The following SGCZ variants were observed in gnomAD, a reference collection of about 807,000 sequenced individuals.
SGCZ encodes sarcoglycan zeta.
Under a neutral mutation model 41.3 loss-of-function variants are expected in SGCZ, and 40 were observed. The ratio of observed to expected loss-of-function variants is 0.97; its 90% confidence interval spans 0.75 to 1.26. The LOEUF is 1.26. Ranked by LOEUF, SGCZ falls within the 50% of genes most tolerant of loss-of-function variation. The probability of loss-of-function intolerance (pLI) is 0.00; values close to 1 mark genes in which losing one functional copy is unlikely to be tolerated. For missense variants in SGCZ, 552 were observed against 369.8 expected, an observed-to-expected ratio of 1.49 and a Z score of -4.04; for synonymous variants, 206 against 137.5, an observed-to-expected ratio of 1.50 and a Z score of -3.49.
At chr8:14,426,212 T>C (rs568394309) in intron 2 of SGCZ, among the ~76,000 whole-genome samples, 65 of 152,212 alleles carry the variant, frequency 4.3e-4, no homozygotes, top group African/African-American at 1.5e-3. Flanking sequence ...AATGGAGACA[T>C]ACTATACAAG....
chr8:14,321,922 A>G (rs1801929721), intron 3 of SGCZ, among the ~76,000 whole-genome samples: 1 of 152,160 alleles, frequency 6.6e-6, no homozygotes, highest in African/African-American at 2.4e-5. Flanking sequence ...ACTTTCTACC[A>G]AACTCACTTA....
chr8:14,695,962 T>C (rs1808948100), intron 1 of SGCZ, among the ~76,000 whole-genome samples: 2 of 152,130 alleles, frequency 1.3e-5, no homozygotes, highest in South Asian at 2.1e-4. Context: ...CCTTCCAAAT[T>C]GCTTCTACAA....
At chr8:15,111,900 C>CCA (rs1807077611) in intron 1 of SGCZ, among the ~76,000 whole-genome samples, 1 of 140,648 alleles carries the variant, frequency 7.1e-6, no homozygotes, top group Non-Finnish European at 1.6e-5. Flanking sequence ...CTCCGTCTCC[C>CCA]AAAAAAAAAA....
intron 4 of SGCZ, among the ~76,000 whole-genome samples, chr8:14,196,897 C>A (rs1270209646): frequency 6.6e-6 from 1 of 151,892 alleles, no homozygotes; most frequent in Non-Finnish European, 1.5e-5. Flanking sequence ...AAGCAAATAT[C>A]CAGAAATGCC....
At chr8:14,940,393 T>C (rs1389811339) in intron 1 of SGCZ, among the ~76,000 whole-genome samples, 2 of 152,146 alleles carry the variant, frequency 1.3e-5, no homozygotes, top group African/African-American at 4.8e-5. Flanking sequence ...GACTTACTTA[T>C]ATAAGTTTAT....
chr8:14,582,550 T>C (rs563840513), intron 1 of SGCZ, among the ~76,000 whole-genome samples: 149 of 152,144 alleles, frequency 9.8e-4, no homozygotes, highest in Non-Finnish European at 1.8e-3. Flanking sequence ...AGGGTACATG[T>C]GCACAATGTG....
intron 1 of SGCZ, among the ~76,000 whole-genome samples, chr8:14,950,351 T>A (rs997672009): frequency 2.6e-5 from 4 of 151,992 alleles, no homozygotes; most frequent in African/African-American, 9.7e-5. Context: ...TCCTTCCTTT[T>A]TTCTTTCTTC....
chr8:14,421,332 T>C (rs1260122891), intron 2 of SGCZ, among the ~76,000 whole-genome samples: 1 of 152,112 alleles, frequency 6.6e-6, no homozygotes, highest in Non-Finnish European at 1.5e-5. Flanking sequence ...TATGAGGCAA[T>C]TTGTAACATT....
intron 1 of SGCZ, among the ~76,000 whole-genome samples, chr8:15,003,892 C>T (rs1181239093): frequency 6.6e-6 from 1 of 152,142 alleles, no homozygotes; most frequent in Non-Finnish European, 1.5e-5. Flanking sequence ...CTACCGGGGT[C>T]AAGTCCTTTA....
intron 1 of SGCZ, among the ~76,000 whole-genome samples, chr8:15,129,812 T>C (rs1358544864): frequency 6.6e-6 from 1 of 150,918 alleles, no homozygotes. Context: ...TCAAATGACA[T>C]AGAAAATTAG....
chr8:14,602,840 G>A (rs1192221177), intron 1 of SGCZ, among the ~76,000 whole-genome samples: 1 of 152,128 alleles, frequency 6.6e-6, no homozygotes, highest in Non-Finnish European at 1.5e-5. Context: ...TCAGCTGAAA[G>A]GACTGTGCTT....
intron 4 of SGCZ, among the ~76,000 whole-genome samples, chr8:14,199,883 T>C (rs923943475): frequency 6.6e-6 from 1 of 152,200 alleles, no homozygotes; most frequent in Non-Finnish European, 1.5e-5. Context: ...CTTCTATCCA[T>C]ACAATTCTAA....
chr8:15,031,288 G>A (rs973152646), intron 1 of SGCZ, among the ~76,000 whole-genome samples: 1 of 152,136 alleles, frequency 6.6e-6, no homozygotes, highest in Non-Finnish European at 1.5e-5. Context: ...TGAAGCATTT[G>A]GAGGTAAGGA....
At chr8:14,268,641 T>C (rs1585301918) in intron 3 of SGCZ, among the ~76,000 whole-genome samples, 1 of 152,006 alleles carries the variant, frequency 6.6e-6, no homozygotes, top group East Asian at 1.9e-4. Context: ...TTGCTTTTAA[T>C]TATAACAAAA....
intron 3 of SGCZ, among the ~76,000 whole-genome samples, chr8:14,256,588 A>G (rs906394528): frequency 6.6e-6 from 1 of 152,032 alleles, no homozygotes; most frequent in Admixed American, 6.6e-5. Flanking sequence ...GAAGGTTTAA[A>G]CCCTTAAGAC....
chr8:14,466,680 C>T (rs1801059506), intron 2 of SGCZ, among the ~76,000 whole-genome samples: 1 of 151,840 alleles, frequency 6.6e-6, no homozygotes, highest in South Asian at 2.1e-4. Context: ...TCAATAATTT[C>T]CACTGTCCTG....
At chr8:14,536,388 A>G (rs574346321) in intron 2 of SGCZ, among the ~76,000 whole-genome samples, 1 of 151,944 alleles carries the variant, frequency 6.6e-6, no homozygotes, top group Non-Finnish European at 1.5e-5. Flanking sequence ...CACTGTAAAC[A>G]TACAACATTA....
chr8:14,210,172 C>T (rs1183341378), intron 4 of SGCZ, among the ~76,000 whole-genome samples: 1 of 152,198 alleles, frequency 6.6e-6, no homozygotes, highest in African/African-American at 2.4e-5. Context: ...ATTCTCCTGC[C>T]TCAGCCTCCC....
rs1159190492 is a variant in SGCZ, at chr8:14,702,925, G to GTAGATAGATAGA, written c.40-148011_40-148000dup. Among the ~76,000 whole-genome samples, 31 of 125,978 alleles carry GTAGATAGATAGA rather than the reference G, an allele frequency of 2.5e-4. 1 individual carries two copies. Among genetic ancestry groups the GTAGATAGATAGA allele is most frequent in the East Asian group, 9.0e-4 (4 of 4,436 alleles). 82.6% of individuals were successfully genotyped at this position (125,978 alleles called of 152,430 possible). ...GGCAGACAGGTAGGTAGTTAGGTAG[G>GTAGATAGATAGA]TAGATAGATAGATAGATAGATAGAT... is the stretch of plus-strand genomic sequence containing the variant. On this transcript the variant is annotated intron_variant, in intron 1 of 7. Coordinates refer to ENST00000382080, the MANE Select transcript of SGCZ (RefSeq NM_139167.4).
Sources: gnomAD v4.1 joint callset for allele counts (sites outside exome capture counted in the v4.1 genomes callset) on GRCh38, gnomAD v4.1.1 for gene constraint, MANE v1.5 for transcripts, NCBI Gene and HGNC (gene_info 2026-07-23, HGNC 2026-07-21) for gene names.